LHFPL3: variants seen among roughly 807,000 people sequenced by gnomAD.
LHFPL3 encodes the protein LHFPL tetraspan subfamily member 3, also known as LHFPL tetraspan subfamily member 3 protein.
In LHFPL3, 5 loss-of-function variants were observed where a neutral mutation model predicts 19.3. The ratio of observed to expected loss-of-function variants is 0.26; its 90% CI spans 0.14 to 0.54. The LOEUF (loss-of-function observed/expected upper bound fraction) is 0.54, where lower values mean the gene tolerates loss of function less well. Among genes scored for constraint, LHFPL3 ranks in the 20% least tolerant of loss-of-function variants. The pLI is 0.94. For missense variants in LHFPL3, 249 were observed against 307.4 expected (o/e 0.81, Z 1.42); for synonymous variants, 133 against 126.2 (o/e 1.05, Z -0.36).
At chr7:104,804,620 C>T (rs1254931387) in intron 2 of LHFPL3, among the ~76,000 whole-genome samples, 3 of 152,198 alleles carry the variant, frequency 2.0e-5, no homozygotes, top group African/African-American at 4.8e-5. Context: ...GCCTTCTCAG[C>T]TTGCATGCTT....
chr7:104,896,710 T>G (rs1273659098), intron 2 of LHFPL3, among the ~76,000 whole-genome samples: 1 of 152,126 alleles, frequency 6.6e-6, no homozygotes, highest in Non-Finnish European at 1.5e-5. Flanking sequence ...GAGGAGGGGC[T>G]GGAGCAGGGA....
chr7:104,529,768 C>T (rs557470816), intron 1 of LHFPL3, among the ~76,000 whole-genome samples: 17 of 152,200 alleles, frequency 1.1e-4, no homozygotes, highest in South Asian at 1.0e-3. Context: ...ATGGGCAGTG[C>T]CTATGTAGCG....
chr7:104,845,378 T>C, intron 2 of LHFPL3: 2 of 1,510,886 alleles, frequency 1.3e-6, no homozygotes, highest in South Asian at 1.2e-5. Context: ...TCCCACACTC[T>C]CAGATGATGG....
intron 1 of LHFPL3, among the ~76,000 whole-genome samples, chr7:104,343,623 C>T (rs1472098299): frequency 6.7e-6 from 1 of 148,830 alleles, no homozygotes; most frequent in Non-Finnish European, 1.5e-5. Context: ...TGTTATTTAG[C>T]CTAGCCATCA....
chr7:104,395,450 G>T lies in LHFPL3; in HGVS notation c.445+66226G>T, dbSNP rs189840214. Among the ~76,000 whole-genome samples the T allele has an allele frequency of 3.5e-4, 53 of 152,276 alleles. No individual in the cohort carries two copies. The East Asian group carries it at 6.7e-3, about 19-fold the overall frequency. Reference sequence around the variant, plus strand: ...ACTTAGTGTCACTTGTATCATTACAGGCAATAATTTATTTTCTGAAATTGG... The same window carrying T: ...ACTTAGTGTCACTTGTATCATTACATGCAATAATTTATTTTCTGAAATTGG... On this transcript the variant is annotated intron_variant, in intron 1 of 2. Coordinates refer to ENST00000424859, the MANE Select transcript of LHFPL3 (RefSeq NM_199000.3).
chr7:104,782,771 C>T (rs1370316295), intron 2 of LHFPL3, among the ~76,000 whole-genome samples: 1 of 152,222 alleles, frequency 6.6e-6, no homozygotes, highest in Non-Finnish European at 1.5e-5. Context: ...GATACCTCCA[C>T]CTTCACCTCT....
At chr7:104,572,816 C>T (rs113030729) in intron 1 of LHFPL3, among the ~76,000 whole-genome samples, 1 of 152,182 alleles carries the variant, frequency 6.6e-6, no homozygotes, top group African/African-American at 2.4e-5. Context: ...AAAGGTATTT[C>T]CTCCTCAATT....
chr7:104,799,958 C>A (rs756519903), intron 2 of LHFPL3: 1 of 152,786 alleles, frequency 6.5e-6, no homozygotes, highest in Non-Finnish European at 1.5e-5. Context: ...TTCTTCCTGA[C>A]CCAAGCCTAT....
intron 1 of LHFPL3, among the ~76,000 whole-genome samples, chr7:104,333,885 A>C (rs1365235551): frequency 6.6e-6 from 1 of 152,254 alleles, no homozygotes; most frequent in Non-Finnish European, 1.5e-5. Flanking sequence ...AAGCATGGAA[A>C]CTGGAGTTAA....
At chr7:104,581,051 A>G (rs1790450900) in intron 1 of LHFPL3, among the ~76,000 whole-genome samples, 1 of 152,016 alleles carries the variant, frequency 6.6e-6, no homozygotes, top group South Asian at 2.1e-4. Context: ...TAGGAATGGA[A>G]TTACTAGATC....
chr7:104,608,473 A>G (rs1791148033), intron 1 of LHFPL3, among the ~76,000 whole-genome samples: 1 of 128,804 alleles, frequency 7.8e-6, no homozygotes, highest in Non-Finnish European at 1.6e-5. Flanking sequence ...AGGAAGGGGA[A>G]CATCACACTC....
At chr7:104,488,889 G>A (rs1259438087) in intron 1 of LHFPL3, among the ~76,000 whole-genome samples, 1 of 152,192 alleles carries the variant, frequency 6.6e-6, no homozygotes, top group African/African-American at 2.4e-5. Context: ...GAGAAAGCAG[G>A]TTTTGAGTTC....
At chr7:104,610,005 A>G (rs536037215) in intron 1 of LHFPL3, among the ~76,000 whole-genome samples, 3 of 152,326 alleles carry the variant, frequency 2.0e-5, no homozygotes, top group East Asian at 1.9e-4. Context: ...TTAAACAGAC[A>G]TCAACGTGTT....
intron 2 of LHFPL3, among the ~76,000 whole-genome samples, chr7:104,798,577 T>C (rs1562796601): frequency 6.6e-6 from 1 of 152,218 alleles, no homozygotes; most frequent in Non-Finnish European, 1.5e-5. Context: ...TATAAGTTGG[T>C]ATCATTTCAC....
At chr7:104,472,955 T>A (rs1390851524) in intron 1 of LHFPL3, among the ~76,000 whole-genome samples, 1 of 152,180 alleles carries the variant, frequency 6.6e-6, no homozygotes, top group Non-Finnish European at 1.5e-5. Flanking sequence ...TACAGAAACA[T>A]CTTTCACTGG....
intron 1 of LHFPL3, among the ~76,000 whole-genome samples, chr7:104,338,569 G>C (rs1789883640): frequency 6.6e-6 from 1 of 152,116 alleles, no homozygotes; most frequent in Non-Finnish European, 1.5e-5. Flanking sequence ...TTCTCCTTTG[G>C]AAAATTGTGG....
chr7:104,864,154 G>C (rs556324224), intron 2 of LHFPL3, among the ~76,000 whole-genome samples: 132 of 152,328 alleles, frequency 8.7e-4, no homozygotes, highest in South Asian at 2.9e-3. Flanking sequence ...TGGCCGAATA[G>C]GAATAGCTCC....
At chr7:104,590,759 T>C (rs1790697737) in intron 1 of LHFPL3, among the ~76,000 whole-genome samples, 1 of 152,218 alleles carries the variant, frequency 6.6e-6, no homozygotes, top group South Asian at 2.1e-4. Context: ...AGTCTCTTTG[T>C]AGGTCTCTAA....
At chr7:104,476,545 C>T (rs1793021633) in intron 1 of LHFPL3, among the ~76,000 whole-genome samples, 1 of 152,082 alleles carries the variant, frequency 6.6e-6, no homozygotes, top group Admixed American at 6.5e-5. Flanking sequence ...ACTGCAACCT[C>T]CGCCTCCTGG....
Sources: gnomAD v4.1 joint callset for allele counts (sites outside exome capture counted in the v4.1 genomes callset) on GRCh38, gnomAD v4.1.1 for gene constraint, MANE v1.5 for transcripts, NCBI Gene and HGNC (gene_info 2026-07-23, HGNC 2026-07-21) for gene names.